FSTL4: variants seen among roughly 807,000 people sequenced by gnomAD.
FSTL4 encodes the protein follistatin like 4.
Under a neutral mutation model 78.2 loss-of-function variants are expected in FSTL4, and 28 were observed. That is an observed-to-expected ratio of 0.36 (90% CI 0.27 to 0.49). FSTL4 has a LOEUF of 0.49. Among genes scored for constraint, FSTL4 ranks in the 20% least tolerant of loss-of-function variants. FSTL4 has a pLI of 0.98. For synonymous variants in FSTL4, 422 were observed against 440.5 expected (o/e 0.96, Z 0.53); for missense variants, 922 against 1,084.9 (o/e 0.85, Z 2.11).
chr5:133,788,721 A>G, the FSTL4 span, among the ~76,000 whole-genome samples: 2 of 152,112 alleles, frequency 1.3e-5, no homozygotes, highest in Non-Finnish European at 2.9e-5. Flanking sequence ...AAACACTTCC[A>G]CTACTTCTGA....
chr5:133,316,152 C>A (rs932890431), intron 5 of FSTL4, among the ~76,000 whole-genome samples: 1 of 152,210 alleles, frequency 6.6e-6, no homozygotes, highest in African/African-American at 2.4e-5. Flanking sequence ...GGAAACCAAG[C>A]ACTGCTTCCT....
At chr5:133,686,539 C>G in the FSTL4 span, among the ~76,000 whole-genome samples, 1 of 152,086 alleles carries the variant, frequency 6.6e-6, no homozygotes, top group Non-Finnish European at 1.5e-5. Context: ...CAGAAGCCAC[C>G]CCATTAACAC....
chr5:133,419,707 G>A (rs1379631432), intron 3 of FSTL4, among the ~76,000 whole-genome samples: 4 of 152,146 alleles, frequency 2.6e-5, no homozygotes, highest in African/African-American at 4.8e-5. Flanking sequence ...TTACATTCCC[G>A]TCAGCAGATT....
At chr5:133,293,017 TAA>T (rs2126870340) in intron 6 of FSTL4, among the ~76,000 whole-genome samples, 1 of 152,326 alleles carries the variant, frequency 6.6e-6, no homozygotes, top group South Asian at 2.1e-4. Context: ...AGAAGAAAAT[TAA>T]AAGAGATCCT....
At position 133,218,244 on chromosome 5, in the gene FSTL4, T is replaced by C. The variant is rs543613034; in HGVS notation, c.1459-866A>G. ...GCCTCTAACCTCAGGCCCCATCCAATGTCTCACAAGTCATTTCAGATTTAC... is the reference window on the plus strand; with the variant it reads ...GCCTCTAACCTCAGGCCCCATCCAACGTCTCACAAGTCATTTCAGATTTAC... On this transcript the variant is annotated intron_variant, in intron 12 of 15. Coordinates refer to ENST00000265342, the MANE Select transcript of FSTL4 (RefSeq NM_015082.2). Among the ~76,000 whole-genome samples the C allele has an allele frequency of 3.9e-5, 6 of 152,306 alleles. No individual in the cohort carries two copies. The South Asian group carries it at 1.2e-3, about 32-fold the overall frequency.
the FSTL4 span, among the ~76,000 whole-genome samples, chr5:133,783,484 C>A: frequency 6.6e-6 from 1 of 152,180 alleles, no homozygotes; most frequent in African/African-American, 2.4e-5. Flanking sequence ...GGCATCCAGC[C>A]CCAGCCTAAC....
the FSTL4 span, among the ~76,000 whole-genome samples, chr5:133,839,657 G>T: frequency 6.6e-6 from 1 of 152,184 alleles, no homozygotes; most frequent in African/African-American, 2.4e-5. Flanking sequence ...GGACTGTGGA[G>T]CTAAGTTGTT....
At chr5:133,234,687 G>A (rs143736492) in intron 7 of FSTL4, among the ~76,000 whole-genome samples, 2 of 152,284 alleles carry the variant, frequency 1.3e-5, no homozygotes, top group Non-Finnish European at 2.9e-5. Flanking sequence ...GTCATCTGTG[G>A]GGAGTGATGG....
intron 6 of FSTL4, among the ~76,000 whole-genome samples, chr5:133,250,666 T>C (rs6866801): frequency 0.67 from 101,588 of 152,182 alleles, 34,326 homozygotes; most frequent in East Asian, 0.85. Flanking sequence ...AGGCAGCACA[T>C]CTGTGCTCAC....
the FSTL4 span, among the ~76,000 whole-genome samples, chr5:133,786,797 C>G: frequency 6.6e-6 from 1 of 152,224 alleles, no homozygotes; most frequent in African/African-American, 2.4e-5. Context: ...GCAATAGTAA[C>G]AGTGGTGACT....
intron 3 of FSTL4, among the ~76,000 whole-genome samples, chr5:133,420,064 A>G (rs1756661123): frequency 6.6e-6 from 1 of 152,236 alleles, no homozygotes; most frequent in South Asian, 2.1e-4. Context: ...ATAAAATACT[A>G]CTTAGCAATA....
At chr5:133,480,825 T>C (rs1023998227) in intron 3 of FSTL4, among the ~76,000 whole-genome samples, 12 of 152,162 alleles carry the variant, frequency 7.9e-5, no homozygotes, top group African/African-American at 2.9e-4. Context: ...GTTCTTCTGT[T>C]TCTCTGGGAA....
At chr5:133,405,588 T>C (rs1023144758) in intron 3 of FSTL4, among the ~76,000 whole-genome samples, 3 of 152,230 alleles carry the variant, frequency 2.0e-5, no homozygotes, top group Non-Finnish European at 2.9e-5. Flanking sequence ...GGAAGAGCCA[T>C]GTACATGTAG....
At chr5:133,786,419 T>C in the FSTL4 span, among the ~76,000 whole-genome samples, 2 of 152,232 alleles carry the variant, frequency 1.3e-5, no homozygotes, top group East Asian at 1.9e-4. Context: ...ATCTACCTCC[T>C]AAAATATTTT....
At chr5:133,357,817 C>A (rs1372910270) in intron 4 of FSTL4, among the ~76,000 whole-genome samples, 1 of 152,148 alleles carries the variant, frequency 6.6e-6, no homozygotes, top group Non-Finnish European at 1.5e-5. Context: ...GCTGAGGTCC[C>A]CAAAGGAGAA....
intron 4 of FSTL4, among the ~76,000 whole-genome samples, chr5:133,318,083 G>C (rs533491259): frequency 2.6e-5 from 4 of 152,116 alleles, no homozygotes; most frequent in Admixed American, 2.0e-4. Flanking sequence ...ATTTCTGTCA[G>C]AAACAGATGC....
intron 6 of FSTL4, among the ~76,000 whole-genome samples, chr5:133,282,884 C>A (rs1203431188): frequency 6.6e-6 from 1 of 152,230 alleles, no homozygotes; most frequent in Non-Finnish European, 1.5e-5. Context: ...CCCAGGAAGA[C>A]AACTTTCTCT....
the FSTL4 span, among the ~76,000 whole-genome samples, chr5:133,721,159 G>A: frequency 1.3e-5 from 2 of 152,032 alleles, no homozygotes; most frequent in East Asian, 1.9e-4. Flanking sequence ...AATACCTTTT[G>A]CCCATCTTTT....
At chr5:133,383,155 C>T (rs573560723) in intron 4 of FSTL4, among the ~76,000 whole-genome samples, 5 of 152,318 alleles carry the variant, frequency 3.3e-5, no homozygotes, top group Admixed American at 1.3e-4. Context: ...CAAATGTCTC[C>T]CAGTCACAGC....
Sources: allele counts gnomAD v4.1 joint callset (sites outside exome capture counted in the v4.1 genomes callset), GRCh38; gene constraint gnomAD v4.1.1; transcripts MANE v1.5; gene names NCBI Gene and HGNC (gene_info 2026-07-23, HGNC 2026-07-21).